Variants in PDE3A observed in about 807,000 individuals in gnomAD.
PDE3A encodes cGMP-inhibited 3',5'-cyclic phosphodiesterase 3A.
A neutral mutation model predicts 98.3 loss-of-function variants in PDE3A; 43 were observed. The ratio of observed to expected loss-of-function variants is 0.44; its 90% CI spans 0.34 to 0.56. The LOEUF (loss-of-function observed/expected upper bound fraction) is 0.56. Ranked by LOEUF, PDE3A falls within the 20% of genes least tolerant of loss-of-function variation. The pLI, the probability that PDE3A is intolerant of heterozygous loss-of-function variation, is 0.01. For synonymous variants in PDE3A, 663 were observed against 567.9 expected (o/e 1.17, Z -2.38); for missense variants, 1,427 against 1,440.7 (o/e 0.99, Z 0.15).
intron 2 of PDE3A, among the ~76,000 whole-genome samples, chr12:20,591,970 A>T (rs1486723523): frequency 6.6e-6 from 1 of 152,222 alleles, no homozygotes; most frequent in Non-Finnish European, 1.5e-5. Flanking sequence ...AGCACTGGTG[A>T]TATAATAAAG....
chr12:20,381,946 C>T (rs1360576142), intron 1 of PDE3A, among the ~76,000 whole-genome samples: 1 of 151,732 alleles, frequency 6.6e-6, no homozygotes, highest in Non-Finnish European at 1.5e-5. Context: ...TGAATTATAA[C>T]AGTAAATGCC....
intron 15 of PDE3A, among the ~76,000 whole-genome samples, chr12:20,668,026 C>T (rs1352053488): frequency 6.6e-6 from 1 of 152,148 alleles, no homozygotes. Flanking sequence ...CGAGGCATTG[C>T]CTCACTTGGG....
chr12:20,371,382 G>A, intron 1 of PDE3A: 1 of 984,726 alleles, frequency 1.0e-6, no homozygotes, highest in Non-Finnish European at 1.2e-6. Flanking sequence ...GTTGGATACA[G>A]CAAGTGGAAA....
intron 12 of PDE3A, among the ~76,000 whole-genome samples, chr12:20,647,282 C>A (rs1944797430): frequency 6.6e-6 from 1 of 152,118 alleles, no homozygotes; most frequent in African/African-American, 2.4e-5. Flanking sequence ...GAGAACCAAG[C>A]ATTTCTTGGA....
intron 4 of PDE3A, among the ~76,000 whole-genome samples, chr12:20,618,653 G>A (rs958847415): frequency 1.4e-4 from 22 of 152,076 alleles, no homozygotes; most frequent in African/African-American, 5.3e-4. Context: ...ATTACAAGGA[G>A]TCATTAGGAA....
Position 20,368,717 on chromosome 12 carries a change from G to A in PDE3A, c.-568G>A, listed in dbSNP as rs1002244845. Among the ~76,000 whole-genome samples the A allele has an allele frequency of 2.0e-5, 3 of 151,858 alleles. No individual in the cohort carries two copies. The highest frequency in any genetic ancestry group is 2.9e-5 in the Non-Finnish European group (2 of 67,968). ...TCCTGGGGCCGTGCCGGGGAGAATC[G>A]GCCGAGGAGAAAGAAAGAGTGATAG... On this transcript the variant is annotated 5_prime_UTR_variant, in exon 1 of 16. Coordinates refer to ENST00000359062, the MANE Select transcript of PDE3A (RefSeq NM_000921.5).
chr12:20,439,219 C>T (rs1470498602), intron 1 of PDE3A, among the ~76,000 whole-genome samples: 1 of 152,090 alleles, frequency 6.6e-6, no homozygotes, highest in African/African-American at 2.4e-5. Flanking sequence ...CTTTTCTTAG[C>T]TTTGCAAGAA....
chr12:20,530,356 T>A (rs1417328466), intron 1 of PDE3A, among the ~76,000 whole-genome samples: 4 of 152,114 alleles, frequency 2.6e-5, no homozygotes, highest in African/African-American at 9.7e-5. Flanking sequence ...CATACCCAAC[T>A]CCAGATAGTA....
chr12:20,663,189 G>A (rs1036068378), intron 15 of PDE3A, among the ~76,000 whole-genome samples: 17 of 152,362 alleles, frequency 1.1e-4, no homozygotes, highest in African/African-American at 3.6e-4. Flanking sequence ...TAAAGAGGAT[G>A]TATGGCAATG....
At chr12:20,676,672 TG>T (rs1945650418) in intron 15 of PDE3A, among the ~76,000 whole-genome samples, 1 of 152,042 alleles carries the variant, frequency 6.6e-6, no homozygotes, top group Non-Finnish European at 1.5e-5. Flanking sequence ...GCTAATTTTT[TG>T]TATTTTTAGT....
chr12:20,388,114 C>T (rs929415840), intron 1 of PDE3A, among the ~76,000 whole-genome samples: 12 of 152,002 alleles, frequency 7.9e-5, no homozygotes, highest in African/African-American at 2.9e-4. Flanking sequence ...TTTATTAGGG[C>T]CATTGCCTTA....
At chr12:20,579,559 C>T (rs1037245092) in intron 2 of PDE3A, among the ~76,000 whole-genome samples, 2 of 152,116 alleles carry the variant, frequency 1.3e-5, no homozygotes, top group African/African-American at 4.8e-5. Context: ...CATCTACCTT[C>T]GAAATATTGC....
rs1945880790 is a variant in PDE3A at position 20,684,086 on chromosome 12, A to G, written c.*3815A>G. 2 of 152,300 alleles carry G rather than the reference A, an allele frequency of 1.3e-5. No homozygotes were observed. The highest frequency in any genetic ancestry group is 4.1e-4 in the South Asian group (2 of 4,822). The allele number at this position is 152,300 out of a possible 1,614,324, so 9.4% of individuals were successfully genotyped here. ...AAAATTATCATTATAAATAAAGTCT[A>G]AAGTTTGAAATTATTAATTTATAAA... On this transcript the variant is annotated 3_prime_UTR_variant, in exon 16 of 16. Transcript: ENST00000359062.
chr12:20,626,968 G>A (rs1260062409), intron 5 of PDE3A, among the ~76,000 whole-genome samples: 1 of 152,054 alleles, frequency 6.6e-6, no homozygotes, highest in Non-Finnish European at 1.5e-5. Context: ...TCTAATGGTT[G>A]TGTGAATTTT....
In PDE3A at chr12:20,680,032, A is replaced by C. The variant is rs1489626707; in HGVS notation, c.3187A>C (p.Lys1063Gln). The change falls in exon 16 of 16, where the codon AAG becomes CAG. Residue 1063 changes from lysine to glutamine, a missense_variant and splice_region_variant. Physicochemically the swap from Lys to Gln is moderately conservative, Grantham distance 53 (BLOSUM62 1). This residue lies in a region of PDE3A where 142 missense variants were observed against 133.9 expected (regional missense o/e 1.06). Coordinates refer to ENST00000359062, the MANE Select transcript of PDE3A (RefSeq NM_000921.5). ...GTTTTTTATTTTATTTATTTTAGAA[A>C]AGAAGACTTTCAAAAGGAGAAAAAT... ...ETCENNESPK[K>Q]KTFKRRKIYC... The C allele has an allele frequency of 6.3e-7, 1 of 1,592,376 alleles. No individual in the cohort carries two copies. Among genetic ancestry groups the C allele is most frequent in the African/African-American group, 1.4e-5 (1 of 73,952 alleles).
At chr12:20,545,445 G>T (rs1942025553) in intron 1 of PDE3A, among the ~76,000 whole-genome samples, 1 of 151,946 alleles carries the variant, frequency 6.6e-6, no homozygotes, top group Admixed American at 6.6e-5. Flanking sequence ...CAGAATCAGG[G>T]ATTTAGTATC....
At chr12:20,640,704 C>T (rs1264934707) in intron 10 of PDE3A, among the ~76,000 whole-genome samples, 1 of 151,854 alleles carries the variant, frequency 6.6e-6, no homozygotes, top group Non-Finnish European at 1.5e-5. Context: ...CAGGAATCAT[C>T]GATTATAACA....
At chr12:20,558,691 AAATAAT>A (rs66996145) in intron 2 of PDE3A, among the ~76,000 whole-genome samples, 6,628 of 147,820 alleles carry the variant, frequency 0.045, 209 homozygotes, top group Middle Eastern at 0.079. Flanking sequence ...CCTGCTGACG[AAATAAT>A]AATAATAATA....
chr12:20,490,250 G>A (rs951247487), intron 1 of PDE3A, among the ~76,000 whole-genome samples: 1 of 152,076 alleles, frequency 6.6e-6, no homozygotes, highest in African/African-American at 2.4e-5. Flanking sequence ...AAACATATCT[G>A]TTATTAGTTC....
Sources: allele counts gnomAD v4.1 joint callset (sites outside exome capture counted in the v4.1 genomes callset), GRCh38; gene constraint gnomAD v4.1.1; regional missense constraint gnomAD v4.1.1; transcripts MANE v1.5; gene names NCBI Gene and HGNC (gene_info 2026-07-23, HGNC 2026-07-21).